RAB7B: variants seen among roughly 807,000 people sequenced by gnomAD.
RAB7B encodes ras-related protein Rab-7b.
At chr1:205,996,389 A>G (rs1243258541) in intron 1 of RAB7B, among the ~76,000 whole-genome samples, 1 of 152,158 alleles carries the variant, frequency 6.6e-6, no homozygotes, top group Admixed American at 6.5e-5. Context: ...TGCTACTTGG[A>G]AAAAGCTGTA....
intron 1 of RAB7B, among the ~76,000 whole-genome samples, chr1:206,002,885 G>A (rs1660912386): frequency 1.3e-5 from 2 of 152,302 alleles, no homozygotes; most frequent in Non-Finnish European, 2.9e-5. Flanking sequence ...TGTCACAAGG[G>A]GACTCTGGGT....
chr1:205,985,007 G>T (rs1173280479), intron 5 of RAB7B, among the ~76,000 whole-genome samples: 1 of 152,134 alleles, frequency 6.6e-6, no homozygotes, highest in African/African-American at 2.4e-5. Context: ...TCACTTAGGG[G>T]CCTATCTGCC....
chr1:205,987,441 C>T (rs1446681521), intron 4 of RAB7B, among the ~76,000 whole-genome samples: 7 of 152,246 alleles, frequency 4.6e-5, no homozygotes, highest in African/African-American at 1.4e-4. Flanking sequence ...TCATTGGAGG[C>T]CAAACATTTG....
chr1:205,978,587 G>T lies in RAB7B; in HGVS notation c.*264C>A, dbSNP rs892359854. 319,028 of 327,538 alleles carry T rather than the reference G, an allele frequency of 0.97. 155,860 individuals are homozygous for T. The highest frequency in any genetic ancestry group is 1 in the East Asian group (21,728 of 21,728). The allele number at this position is 327,538 out of a possible 1,614,324, so 20.3% of individuals were successfully genotyped here. Reference sequence around the variant, plus strand: ...GGAAAGCTGGAGCCACTGCGGAAACGGTGACTTCTGCAGGACCAGGGTTTG... The same window carrying T: ...GGAAAGCTGGAGCCACTGCGGAAACTGTGACTTCTGCAGGACCAGGGTTTG... On this transcript the variant is annotated 3_prime_UTR_variant, in exon 6 of 6. Transcript: ENST00000617070.
chr1:205,979,427 T>C (rs1571788883), intron 5 of RAB7B, among the ~76,000 whole-genome samples: 1 of 152,058 alleles, frequency 6.6e-6, no homozygotes, highest in East Asian at 1.9e-4. Context: ...TCAATGTTTC[T>C]CCCGGGCCCT....
chr1:206,000,636 G>A (rs1459321795), intron 1 of RAB7B, among the ~76,000 whole-genome samples: 6 of 152,296 alleles, frequency 3.9e-5, no homozygotes, highest in African/African-American at 1.4e-4. Flanking sequence ...AGTTGGGAAG[G>A]ATCCAGATAA....
At chr1:206,000,876 A>G in intron 1 of RAB7B, among the ~76,000 whole-genome samples, 3 of 152,296 alleles carry the variant, frequency 2.0e-5, no homozygotes, top group Admixed American at 2.0e-4. Context: ...GACCTGCCCC[A>G]TGGAGCTGCC....
At chr1:205,982,734 T>C (rs980056853) in intron 5 of RAB7B, among the ~76,000 whole-genome samples, 20 of 152,172 alleles carry the variant, frequency 1.3e-4, no homozygotes, top group Middle Eastern at 3.4e-3. Context: ...TCACTCCTTA[T>C]TATAGAAGCG....
chr1:205,985,843 A>AGGCCCACCATCCCCACCAGGC (rs1571792894), intron 4 of RAB7B, among the ~76,000 whole-genome samples, 178 bp from the exon 5 acceptor site: 2 of 149,538 alleles, frequency 1.3e-5, no homozygotes, highest in African/African-American at 4.9e-5. Context: ...CAGGCCCACC[A>AGGCCCACCATCCCCACCAGGC]CCACTCCCAT....
intron 4 of RAB7B, among the ~76,000 whole-genome samples, chr1:205,989,541 T>G (rs1660681162): frequency 6.6e-6 from 1 of 151,764 alleles, no homozygotes; most frequent in African/African-American, 2.4e-5. Context: ...GCCCTCAATC[T>G]CTCCATGTCA....
chr1:205,990,699 G>A (rs1380769761), intron 4 of RAB7B, among the ~76,000 whole-genome samples: 2 of 152,098 alleles, frequency 1.3e-5, no homozygotes, highest in Non-Finnish European at 2.9e-5. Flanking sequence ...CCCAGTGGAG[G>A]CTTCCGAAGG....
At chr1:205,987,757 T>A (rs1431229472) in intron 4 of RAB7B, among the ~76,000 whole-genome samples, 2 of 152,130 alleles carry the variant, frequency 1.3e-5, no homozygotes, top group African/African-American at 2.4e-5. Flanking sequence ...TTTTTCAATA[T>A]TACCTTCTGT....
At chr1:205,994,287 G>C (rs1660773833) in intron 1 of RAB7B, 136 bp from the exon 2 acceptor site, 3 of 392,042 alleles carry the variant, frequency 7.7e-6, no homozygotes, top group Non-Finnish European at 1.4e-5. Flanking sequence ...GTTCTCCGAA[G>C]GAGGCACGTA....
rs958574614 is a variant in RAB7B, at chr1:205,994,381, G to A, written c.-16-230C>T. On this transcript the variant is annotated intron_variant, in intron 1 of 5. Transcript: ENST00000617070. ...GAAGGGTGGTGACTCTCCAGGACAG[G>A]CAAATCTCTCATCCCTCAGCTCTAC... 4.5e-4 allele frequency: 141 copies of A among 314,242 alleles called. 1 individual carries two copies. Among genetic ancestry groups the A allele is most frequent in the African/African-American group, 2.8e-3 (132 of 46,782 alleles). 19.5% of individuals were successfully genotyped at this position (314,242 alleles called of 1,614,324 possible). A position where few individuals can be genotyped will look rare whatever the true frequency, so the allele number is the denominator to read the frequency against.
intron 3 of RAB7B, 59 bp downstream of exon 3, chr1:205,993,361 G>A (rs1045332915): frequency 0.059 from 23,272 of 397,618 alleles, 895 homozygotes; most frequent in Non-Finnish European, 0.078. Flanking sequence ...GTGGCTGTCC[G>A]GGCTTGGGGG....
chr1:205,978,905 G>A lies in RAB7B; in HGVS notation c.546C>T (p.His182=), dbSNP rs1416305999. The A allele has an allele frequency of 5.0e-6, 2 of 398,638 alleles. No individual in the cohort carries two copies. Among genetic ancestry groups the A allele is most frequent in the African/African-American group, 4.1e-5 (2 of 48,604 alleles). 24.7% of individuals were successfully genotyped at this position (398,638 alleles called of 1,614,324 possible). A position where few individuals can be genotyped will look rare whatever the true frequency, so the allele number is the denominator to read the frequency against. The change falls in exon 6 of 6, where the codon CAC becomes CAT. Residue 182 remains histidine (H), a synonymous_variant. Coordinates refer to ENST00000617070, the MANE Select transcript of RAB7B (RefSeq NM_001164522.3). ...LSRYQSILEN[H]LTESIKLSPD... is the part of the protein sequence containing the mutation. ...GCGAGAGCTTGATGGATTCTGTGAGGTGATTTTCTAAGATGCTCTGGTACT... is the reference window on the plus strand; with the variant it reads ...GCGAGAGCTTGATGGATTCTGTGAGATGATTTTCTAAGATGCTCTGGTACT...
chr1:205,983,392 C>T (rs1660529601), intron 5 of RAB7B, among the ~76,000 whole-genome samples: 1 of 152,162 alleles, frequency 6.6e-6, no homozygotes. Context: ...CTCACTCATC[C>T]TCACTACCAG....
At chr1:205,982,327 C>T (rs1660508986) in intron 5 of RAB7B, among the ~76,000 whole-genome samples, 1 of 152,214 alleles carries the variant, frequency 6.6e-6, no homozygotes, top group Admixed American at 6.5e-5. Flanking sequence ...ATTTGATCAT[C>T]ATCAGCTCCT....
chr1:205,984,238 T>C (rs1231998401), intron 5 of RAB7B: 4 of 151,756 alleles, frequency 2.6e-5, no homozygotes, highest in Non-Finnish European at 5.9e-5. Flanking sequence ...CCAGTGAGGG[T>C]CGGGGGAACC....
Sources: gnomAD v4.1 joint callset for allele counts (sites outside exome capture counted in the v4.1 genomes callset) on GRCh38, gnomAD v4.1.1 for gene constraint, MANE v1.5 for transcripts, NCBI Gene and HGNC (gene_info 2026-07-23, HGNC 2026-07-21) for gene names.